ANO3: variants seen among roughly 807,000 people sequenced by gnomAD.
The protein encoded by ANO3 is anoctamin 3.
Under a neutral mutation model 144.8 loss-of-function variants are expected in ANO3, and 99 were observed. The observed-to-expected ratio is 0.68, with a 90% CI of 0.58 to 0.81. The LOEUF (loss-of-function observed/expected upper bound fraction) is 0.81. ANO3 is among the 30% of genes least tolerant of loss of function. The probability of loss-of-function intolerance (pLI) is 0.00; values close to 1 mark genes in which losing one functional copy is unlikely to be tolerated. For synonymous variants in ANO3, 414 were observed against 392.6 expected (o/e 1.05, Z -0.64); for missense variants, 905 against 1,202.2 (o/e 0.75, Z 3.66).
At chr11:26,273,632 GCACACACACACACACACACACACA>G (rs3220654) in intron 1 of ANO3, among the ~76,000 whole-genome samples, 1 of 140,186 alleles carries the variant, frequency 7.1e-6, no homozygotes, top group Non-Finnish European at 1.5e-5. Flanking sequence ...TGTGGATATG[GCACACACACACACACACACACACA>G]CACACACACA....
chr11:26,355,850 G>C (rs1056459947), intron 1 of ANO3, among the ~76,000 whole-genome samples: 3 of 152,124 alleles, frequency 2.0e-5, no homozygotes, highest in Admixed American at 2.0e-4. Context: ...GTGAGCCACC[G>C]TGCCAAGCCC....
chr11:26,303,506 G>C (rs2133864700), intron 1 of ANO3, among the ~76,000 whole-genome samples: 1 of 152,156 alleles, frequency 6.6e-6, no homozygotes, highest in South Asian at 2.1e-4. Flanking sequence ...AGTACATATG[G>C]ACACAAAGAT....
intron 6 of ANO3, among the ~76,000 whole-genome samples, chr11:26,522,869 A>AT (rs148772534): frequency 0.066 from 9,974 of 152,216 alleles, 462 homozygotes; most frequent in African/African-American, 0.13. Flanking sequence ...GGGAAATCTC[A>AT]TTTTTTTTAA....
At chr11:26,528,082 A>G (rs1849210693) in intron 7 of ANO3, among the ~76,000 whole-genome samples, 1 of 152,184 alleles carries the variant, frequency 6.6e-6, no homozygotes, top group East Asian at 1.9e-4. Context: ...GATTTGCAAG[A>G]CGTCCAACAC....
chr11:26,510,608 C>G (rs911308990), intron 5 of ANO3, among the ~76,000 whole-genome samples: 10 of 152,162 alleles, frequency 6.6e-5, no homozygotes, highest in African/African-American at 2.4e-4. Flanking sequence ...TTTATTCATT[C>G]AGCACATTAT....
At chr11:26,309,715 TG>T (rs1854464142) in exon 1 of ANO3, 6 of 985,268 alleles carry the variant, frequency 6.1e-6, no homozygotes, top group Non-Finnish European at 7.2e-6. Context: ...GCAAATATAA[TG>T]AAGGTGAGTC....
intron 1 of ANO3, among the ~76,000 whole-genome samples, chr11:26,224,559 C>T (rs1023683891): frequency 1.3e-5 from 2 of 152,358 alleles, no homozygotes; most frequent in South Asian, 2.1e-4. Flanking sequence ...GCCCTGTGTG[C>T]ACACTGCTTC....
At chr11:26,263,446 G>A (rs985491063) in intron 1 of ANO3, among the ~76,000 whole-genome samples, 2 of 152,160 alleles carry the variant, frequency 1.3e-5, no homozygotes, top group African/African-American at 4.8e-5. Context: ...CTGATTTTCA[G>A]TGACACTGAC....
chr11:26,511,661 G>A (rs1433539121), intron 5 of ANO3, among the ~76,000 whole-genome samples: 2 of 152,206 alleles, frequency 1.3e-5, no homozygotes, highest in Non-Finnish European at 2.9e-5. Flanking sequence ...GGTCTGGAGG[G>A]TGAGGGGAGA....
chr11:26,220,615 C>G (rs767042532), intron 1 of ANO3, among the ~76,000 whole-genome samples: 2 of 152,232 alleles, frequency 1.3e-5, no homozygotes, highest in Non-Finnish European at 2.9e-5. Flanking sequence ...TGAAGGCATT[C>G]TCATTGGAGG....
Position 26,566,516 on chromosome 11 carries a change from C to G in ANO3, c.1447+6737C>G, listed in dbSNP as rs113738138. Among the ~76,000 whole-genome samples the G allele has an allele frequency of 1.3e-4, 19 of 151,934 alleles. 1 individual carries two copies. Among genetic ancestry groups the G allele is most frequent in the African/African-American group, 4.6e-4 (19 of 41,494 alleles). On this transcript the variant is annotated intron_variant, in intron 14 of 26. Transcript: ENST00000256737. ...TCATGAATTTGAATGTATCCCTTTT[C>G]CACAATACTTTTCATTTCATGATGT...
At chr11:26,481,087 G>T (rs1860197119) in intron 4 of ANO3, among the ~76,000 whole-genome samples, 2 of 151,910 alleles carry the variant, frequency 1.3e-5, no homozygotes, top group Admixed American at 6.6e-5. Context: ...AAAAGTACCA[G>T]CACATAGTAA....
intron 14 of ANO3, among the ~76,000 whole-genome samples, chr11:26,583,868 A>T (rs1851201910): frequency 6.6e-6 from 1 of 152,194 alleles, no homozygotes; most frequent in East Asian, 1.9e-4. Flanking sequence ...TATTGTTTCA[A>T]CTGGGCCTTC....
intron 1 of ANO3, among the ~76,000 whole-genome samples, chr11:26,344,247 A>G (rs553264949): frequency 6.6e-6 from 1 of 152,294 alleles, no homozygotes; most frequent in East Asian, 1.9e-4. Flanking sequence ...TACTTTCACC[A>G]TTTTTTATGC....
chr11:26,321,863 G>A (rs760097243), intron 1 of ANO3, among the ~76,000 whole-genome samples: 4 of 152,102 alleles, frequency 2.6e-5, no homozygotes, highest in Non-Finnish European at 5.9e-5. Context: ...GTTCAAGGAA[G>A]CTTTATCTTT....
chr11:26,326,364 T>TAG (rs1854882100), intron 1 of ANO3, among the ~76,000 whole-genome samples: 1 of 152,124 alleles, frequency 6.6e-6, no homozygotes, highest in African/African-American at 2.4e-5. Flanking sequence ...AATAAACCTT[T>TAG]TCGCCCCATC....
intron 26 of ANO3, among the ~76,000 whole-genome samples, chr11:26,657,698 A>G (rs997565920): frequency 1.3e-5 from 2 of 152,118 alleles, no homozygotes; most frequent in Non-Finnish European, 2.9e-5. Flanking sequence ...ACATAGTATT[A>G]ATTTGAGTGT....
At chr11:26,389,263 G>A (rs1341010359) in intron 1 of ANO3, among the ~76,000 whole-genome samples, 8 of 152,000 alleles carry the variant, frequency 5.3e-5, no homozygotes, top group African/African-American at 1.4e-4. Flanking sequence ...GAGAGTGTCC[G>A]GGGTCAAATG....
intron 12 of ANO3, among the ~76,000 whole-genome samples, chr11:26,548,560 T>C (rs1467356001): frequency 6.6e-6 from 1 of 151,674 alleles, no homozygotes; most frequent in Non-Finnish European, 1.5e-5. Flanking sequence ...TTTCCCTGAA[T>C]TTTCTTTAAC....
Sources: gnomAD v4.1 joint callset for allele counts (sites outside exome capture counted in the v4.1 genomes callset) on GRCh38, gnomAD v4.1.1 for gene constraint, MANE v1.5 for transcripts, NCBI Gene and HGNC (gene_info 2026-07-23, HGNC 2026-07-21) for gene names.